CNTNAP2: variants seen among roughly 807,000 people sequenced by gnomAD.
CNTNAP2 encodes contactin associated protein 2.
Under a neutral mutation model 155.2 loss-of-function variants are expected in CNTNAP2, and 98 were observed. The ratio of observed to expected loss-of-function variants is 0.63; its 90% CI spans 0.54 to 0.75. The LOEUF is 0.75. CNTNAP2 is among the 30% of genes least tolerant of loss of function. The pLI, the probability that CNTNAP2 is intolerant of heterozygous loss-of-function variation, is 0.00. For synonymous variants in CNTNAP2, 651 were observed against 631.2 expected (o/e 1.03, Z -0.47); for missense variants, 1,727 against 1,688.1 (o/e 1.02, Z -0.40).
chr7:148,024,156 G>GT (rs1554463558), intron 15 of CNTNAP2, among the ~76,000 whole-genome samples: 252 of 8,634 alleles, frequency 0.029, no homozygotes, highest in Non-Finnish European at 0.05. Context: ...CCTTTAAAGT[G>GT]TAAAAAAAAA....
intron 12 of CNTNAP2, among the ~76,000 whole-genome samples, chr7:147,591,095 C>A (rs531364155): frequency 6.6e-6 from 1 of 152,324 alleles, no homozygotes; most frequent in Non-Finnish European, 1.5e-5. Context: ...AAACCAAAAC[C>A]CTTCAAATTT....
At chr7:146,928,066 C>G (rs542686543) in intron 3 of CNTNAP2, among the ~76,000 whole-genome samples, 267 of 151,888 alleles carry the variant, frequency 1.8e-3, no homozygotes, top group Non-Finnish European at 3.3e-3. Context: ...GCATTCTTCA[C>G]TGCCTGGGCT....
chr7:147,708,818 C>T (rs1222153961), intron 13 of CNTNAP2, among the ~76,000 whole-genome samples: 2 of 152,268 alleles, frequency 1.3e-5, no homozygotes, highest in East Asian at 3.9e-4. Flanking sequence ...CATAAATGAT[C>T]TATTCAAAGT....
intron 1 of CNTNAP2, among the ~76,000 whole-genome samples, chr7:146,174,386 A>G (rs2116825599): frequency 6.6e-6 from 1 of 152,156 alleles, no homozygotes; most frequent in East Asian, 2.0e-4. Flanking sequence ...ACACCTGGCT[A>G]ATTTTTGTAC....
intron 1 of CNTNAP2, among the ~76,000 whole-genome samples, chr7:146,633,835 A>G (rs1209842160): frequency 3.0e-4 from 16 of 53,818 alleles, no homozygotes; most frequent in African/African-American, 8.1e-4. Flanking sequence ...ATCTAGAGAA[A>G]AAAAAAAAAA....
intron 13 of CNTNAP2, among the ~76,000 whole-genome samples, chr7:147,705,780 G>A (rs185881100): frequency 5.3e-5 from 8 of 152,236 alleles, no homozygotes; most frequent in African/African-American, 1.9e-4. Context: ...CACTTGCTGA[G>A]TTGATCCTTT....
intron 1 of CNTNAP2, among the ~76,000 whole-genome samples, chr7:146,700,120 C>T (rs1412328821): frequency 1.3e-5 from 2 of 152,200 alleles, no homozygotes; most frequent in East Asian, 3.9e-4. Flanking sequence ...AGTGTAGCCC[C>T]TTCCAAGACT....
chr7:146,396,431 T>A (rs1233228887), intron 1 of CNTNAP2, among the ~76,000 whole-genome samples: 7 of 152,038 alleles, frequency 4.6e-5, no homozygotes, highest in Admixed American at 4.6e-4. Context: ...ATTATTTCAA[T>A]TACTGTTACT....
chr7:147,027,004 G>GAAAAAAAAAAAACAAAAAAAAAAAA (rs1798934502), intron 3 of CNTNAP2, among the ~76,000 whole-genome samples: 2 of 67,438 alleles, frequency 3.0e-5, no homozygotes, highest in Non-Finnish European at 2.9e-5. Flanking sequence ...AAACAGAACA[G>GAAAAAAAAAAAACAAAAAAAAAAAA]AAAAAAAAAA....
At chr7:146,956,269 T>C (rs1797433574) in intron 3 of CNTNAP2, among the ~76,000 whole-genome samples, 1 of 152,144 alleles carries the variant, frequency 6.6e-6, no homozygotes, top group African/African-American at 2.4e-5. Flanking sequence ...AGAGTTTGTG[T>C]AGTGCATGAC....
At position 147,339,692 on chromosome 7, in the gene CNTNAP2, G is replaced by T. The variant is rs192373359; in HGVS notation, c.1498+39402G>T. Among the ~76,000 whole-genome samples the T allele has an allele frequency of 3.6e-3, 455 of 127,010 alleles. 3 individuals carry two copies. The highest frequency in any genetic ancestry group is 0.012 in the African/African-American group (426 of 36,272). The allele number at this position is 127,010 out of a possible 152,430, so 83.3% of individuals were successfully genotyped here. ...AGAAATCTGAGTTTAATCAAAGCAA[G>T]AATTTTTTTTCCTTCAGAATGTAAT... is the stretch of plus-strand genomic sequence containing the variant. On this transcript the variant is annotated intron_variant, in intron 9 of 23. Transcript: ENST00000361727.
At chr7:148,397,553 C>G (rs1259199636) in intron 22 of CNTNAP2, among the ~76,000 whole-genome samples, 1 of 152,154 alleles carries the variant, frequency 6.6e-6, no homozygotes, top group Non-Finnish European at 1.5e-5. Context: ...AATTTGCATA[C>G]CTGTTGGTGA....
intron 10 of CNTNAP2, among the ~76,000 whole-genome samples, chr7:147,447,612 G>A (rs564263896): frequency 6.6e-6 from 1 of 152,160 alleles, no homozygotes; most frequent in South Asian, 2.1e-4. Flanking sequence ...TAGAGACGAG[G>A]TTTCAACATG....
chr7:146,990,424 T>G lies in CNTNAP2; in HGVS notation c.403-53483T>G, dbSNP rs150009473. ...GCCTTGTAAGATCATGGAATGTTAGTTGTGTTTAAGTTCCTTTAACCTTCT... is the reference window on the plus strand; with the variant it reads ...GCCTTGTAAGATCATGGAATGTTAGGTGTGTTTAAGTTCCTTTAACCTTCT... On this transcript the variant is annotated intron_variant, in intron 3 of 23. Coordinates refer to ENST00000361727, the MANE Select transcript of CNTNAP2 (RefSeq NM_014141.6). Among the ~76,000 whole-genome samples, 536 of 152,300 alleles carry G rather than the reference T, an allele frequency of 3.5e-3. 5 individuals carry two copies. The highest frequency in any genetic ancestry group is 0.012 in the African/African-American group (494 of 41,572).
At chr7:147,855,500 G>A (rs1300920393) in intron 13 of CNTNAP2, among the ~76,000 whole-genome samples, 2 of 152,058 alleles carry the variant, frequency 1.3e-5, no homozygotes, top group East Asian at 1.9e-4. Context: ...TAAAATTACA[G>A]TGTAGGCTCG....
chr7:147,989,934 T>C (rs756026005), intron 15 of CNTNAP2, among the ~76,000 whole-genome samples: 2 of 152,212 alleles, frequency 1.3e-5, no homozygotes, highest in Admixed American at 6.5e-5. Flanking sequence ...CCAACTGCCC[T>C]GAGTTAGCAC....
At chr7:147,151,719 T>G (rs1801830542) in intron 8 of CNTNAP2, among the ~76,000 whole-genome samples, 1 of 152,156 alleles carries the variant, frequency 6.6e-6, no homozygotes, top group East Asian at 1.9e-4. Context: ...AAAACATAAT[T>G]TTTATTTAAC....
intron 1 of CNTNAP2, among the ~76,000 whole-genome samples, chr7:146,169,339 T>C (rs1236649259): frequency 6.6e-6 from 1 of 152,198 alleles, no homozygotes; most frequent in Non-Finnish European, 1.5e-5. Context: ...TAGTAAGTGC[T>C]TGATAAATAT....
At chr7:147,669,755 G>A (rs984283181) in intron 13 of CNTNAP2, among the ~76,000 whole-genome samples, 2 of 152,104 alleles carry the variant, frequency 1.3e-5, no homozygotes, top group African/African-American at 4.8e-5. Flanking sequence ...CCGCCTCCTG[G>A]ACTCATCTCT....
Sources: allele counts gnomAD v4.1 joint callset (sites outside exome capture counted in the v4.1 genomes callset), GRCh38; gene constraint gnomAD v4.1.1; transcripts MANE v1.5; gene names NCBI Gene and HGNC (gene_info 2026-07-23, HGNC 2026-07-21).